ASNS: variants seen among roughly 807,000 people sequenced by gnomAD.
ASNS encodes the protein asparagine synthetase [glutamine-hydrolyzing].
A neutral mutation model predicts 62.6 loss-of-function variants in ASNS; 37 were observed. That is an observed-to-expected ratio of 0.59 (90% confidence interval 0.45 to 0.78). ASNS has a LOEUF of 0.78. Ranked by LOEUF, ASNS falls within the 30% of genes least tolerant of loss-of-function variation. The pLI is 0.00. For missense variants in ASNS, 520 were observed against 682.4 expected, an observed-to-expected ratio of 0.76 and a Z score of 2.65; for synonymous variants, 207 against 237.9, an observed-to-expected ratio of 0.87 and a Z score of 1.19.
the ASNS span, among the ~76,000 whole-genome samples, chr7:97,918,898 A>C: frequency 6.6e-6 from 1 of 152,186 alleles, no homozygotes; most frequent in African/African-American, 2.4e-5. Flanking sequence ...TACCTATGTA[A>C]CAAACCTGCA....
intron 3 of ASNS, among the ~76,000 whole-genome samples, 184 bp downstream of exon 3, chr7:97,868,724 T>C (rs982442245): frequency 6.6e-6 from 1 of 152,236 alleles, no homozygotes; most frequent in East Asian, 1.9e-4. Context: ...ACTTTTTTTG[T>C]GACCAAGTCA....
chr7:97,868,543 G>A (rs1328364310), intron 3 of ASNS, among the ~76,000 whole-genome samples: 2 of 151,892 alleles, frequency 1.3e-5, no homozygotes, highest in East Asian at 3.9e-4. Context: ...GTGTGTGTGT[G>A]TAGAAAGAAA....
chr7:97,872,314 G>GCGGGGCGCAGGGCGCGGGGCGCAGGGCA (rs1554351275), intron 1 of ASNS, 37 bp downstream of exon 1: 1,601 of 153,448 alleles, frequency 0.01, 16 homozygotes, highest in African/African-American at 0.024. Context: ...GGATGCTGGC[G>GCGGGGCGCAGGGCGCGGGGCGCAGGGCA]CGGGGCGCAG....
rs763504278 is a variant in ASNS at position 97,859,335 on chromosome 7, T to C, written c.551A>G (p.His184Arg). 5.0e-6 allele frequency: 8 copies of C among 1,613,962 alleles called. No homozygotes were observed. In the Admixed American group the frequency reaches 1.2e-4, roughly 24 times the overall value. The change falls in exon 5 of 13, where the codon CAC becomes CGC. Residue 184 changes from histidine to arginine, a missense_variant. Coordinates refer to ENST00000394308, the MANE Select transcript of ASNS (RefSeq NM_001673.5). ...TGGCTTTAAATCCAAAACTTCATAG[T>C]GTCCAGGAAGAAAAGGCTCCACTTT... ...FLKVEPFLPG[H>R]YEVLDLKPNG...
the ASNS span, among the ~76,000 whole-genome samples, chr7:97,900,379 A>AAAAC: frequency 6.7e-6 from 1 of 150,056 alleles, no homozygotes; most frequent in Non-Finnish European, 1.5e-5. Flanking sequence ...AAAAAAAAAA[A>AAAAC]AAAAACAGAA....
the ASNS span, among the ~76,000 whole-genome samples, chr7:97,923,180 T>G: frequency 4.1e-3 from 618 of 151,802 alleles, 9 homozygotes; most frequent in African/African-American, 0.014. Flanking sequence ...TTGGTCAAAA[T>G]AGTCTCCTTA....
At chr7:97,922,483 G>A in the ASNS span, among the ~76,000 whole-genome samples, 1 of 152,196 alleles carries the variant, frequency 6.6e-6, no homozygotes, top group African/African-American at 2.4e-5. Flanking sequence ...CATTTTTAGA[G>A]AGGAAGAATA....
chr7:97,896,437 A>C, the ASNS span, among the ~76,000 whole-genome samples: 5 of 149,110 alleles, frequency 3.4e-5, no homozygotes, highest in African/African-American at 7.4e-5. Context: ...AAAAAAAAAA[A>C]CAAAAAATTA....
upstream of ASNS, among the ~76,000 whole-genome samples, chr7:97,875,073 C>T (rs1173831646): frequency 7.5e-6 from 1 of 133,746 alleles, no homozygotes; most frequent in Non-Finnish European, 1.5e-5. Flanking sequence ...AGTTAGGACA[C>T]CCTAGCGGTC....
the ASNS span, among the ~76,000 whole-genome samples, chr7:97,877,600 T>C: frequency 3.1e-3 from 466 of 152,228 alleles, 3 homozygotes; most frequent in African/African-American, 0.011. Context: ...GCTTATTCAG[T>C]TTGTGGACTG....
chr7:97,925,765 T>C, the ASNS span, among the ~76,000 whole-genome samples: 1 of 152,180 alleles, frequency 6.6e-6, no homozygotes. Context: ...GTTATCACCC[T>C]TGAATGCTCG....
At chr7:97,909,856 A>G in the ASNS span, among the ~76,000 whole-genome samples, 2 of 152,126 alleles carry the variant, frequency 1.3e-5, no homozygotes, top group Non-Finnish European at 2.9e-5. Flanking sequence ...GGCAAACACA[A>G]CTGAAGGGCA....
At chr7:97,852,516 A>G (rs768470556) in intron 12 of ASNS, 48 bp from the exon 13 acceptor site, 2 of 1,554,186 alleles carry the variant, frequency 1.3e-6, no homozygotes, top group South Asian at 2.2e-5. Context: ...ATGGCAGGAA[A>G]TACTTGTGTT....
rs1419503102 is a variant in ASNS at position 97,856,815 on chromosome 7, A to T, written c.905T>A (p.Val302Glu). 6.2e-7 allele frequency: 1 copy of T among 1,600,386 alleles called. No homozygotes were observed. Among genetic ancestry groups the T allele is most frequent in the Non-Finnish European group, 8.5e-7 (1 of 1,174,228 alleles). ...DSPDLLAARKVADHIGSEHYE... is the reference protein window; with the variant it reads ...DSPDLLAARKEADHIGSEHYE... ...ATGTTCACTTCCAATATGATCTGCC[A>T]CCTTATTATATAAAGAAATACCCAT... Residue 302 changes from valine to glutamate, a missense_variant and splice_region_variant, in exon 8 of 13, where the codon GTG becomes GAG. Transcript: ENST00000394308.
chr7:97,905,069 G>A, the ASNS span, among the ~76,000 whole-genome samples: 1 of 152,088 alleles, frequency 6.6e-6, no homozygotes, highest in Admixed American at 6.6e-5. Flanking sequence ...ACATCAAACA[G>A]TGGCTCTTTA....
the ASNS span, among the ~76,000 whole-genome samples, chr7:97,896,741 C>CACACAT: frequency 2.5e-3 from 50 of 19,780 alleles, no homozygotes; most frequent in Admixed American, 8.2e-3. Context: ...CACACACACA[C>CACACAT]ATATATATAT....
chr7:97,858,845 T>C lies in ASNS; in HGVS notation c.775+9A>G. The C allele has an allele frequency of 6.3e-7, 1 of 1,598,922 alleles. No homozygotes were observed. Among genetic ancestry groups the C allele is most frequent in the Non-Finnish European group, 8.5e-7 (1 of 1,175,494 alleles). ...TGAAATATAATTAGGTTTTTTTAAT[T>C]GACTTCACCTGATAAAAGGCAGCCA... is the stretch of plus-strand genomic sequence containing the variant. On this transcript the variant is annotated intron_variant, in intron 6 of 12. Transcript: ENST00000394308.
intron 1 of ASNS, among the ~76,000 whole-genome samples, chr7:97,871,371 C>G (rs988417590): frequency 6.6e-6 from 1 of 152,184 alleles, no homozygotes; most frequent in African/African-American, 2.4e-5. Flanking sequence ...CCACTTAGTG[C>G]TACTTACAAC....
chr7:97,855,377 C>A lies in ASNS; in HGVS notation c.1113G>T (p.Thr371=). 1 of 1,612,460 alleles carries A rather than the reference C, an allele frequency of 6.2e-7. No individual in the cohort carries two copies. The highest frequency in any genetic ancestry group is 2.2e-5 in the East Asian group (1 of 44,834). Residue 371 remains threonine, a synonymous_variant, in exon 9 of 13, where the codon ACG becomes ACT. Transcript: ENST00000394308. The stretch of plus-strand genomic sequence containing the variant: ...CCTTGTGAAAATATATGTAACCCTG[C>A]GTAAGTTCATCTGATCCTTCTCCAG... ...IFSGEGSDEL[T]QGYIYFHKAP...
Sources: allele counts gnomAD v4.1 joint callset (sites outside exome capture counted in the v4.1 genomes callset), GRCh38; gene constraint gnomAD v4.1.1; transcripts MANE v1.5; gene names NCBI Gene and HGNC (gene_info 2026-07-23, HGNC 2026-07-21).